RNF121: variants seen among roughly 807,000 people sequenced by gnomAD.
RNF121 encodes the protein E3 ubiquitin ligase RNF121.
RNF121 carries 21 observed loss-of-function variants against 46.5 expected under a neutral mutation model. That is an observed-to-expected ratio of 0.45 (90% CI 0.32 to 0.65). The LOEUF (loss-of-function observed/expected upper bound fraction) is 0.65, where lower values mean the gene tolerates loss of function less well. Ranked by LOEUF, RNF121 falls within the 30% of genes least tolerant of loss-of-function variation. The probability of loss-of-function intolerance (pLI) is 0.04; values close to 1 mark genes in which losing one functional copy is unlikely to be tolerated. For synonymous variants in RNF121, 139 were observed against 144.7 expected (o/e 0.96, Z 0.28); for missense variants, 346 against 416.0 (o/e 0.83, Z 1.46).
Position 71,996,377 on chromosome 11 carries a change from C to A in RNF121, c.*62C>A. 3 of 1,586,980 alleles carry A rather than the reference C, an allele frequency of 1.9e-6. No individual in the cohort carries two copies. The highest frequency in any genetic ancestry group is 1.7e-6 in the Non-Finnish European group (2 of 1,164,174). ...CCATGGACCTCAGGGCACTCTCCTCCCTGCCCACAAAGACCTCCTGGGTGG... is the reference window on the plus strand; with the variant it reads ...CCATGGACCTCAGGGCACTCTCCTCACTGCCCACAAAGACCTCCTGGGTGG... On this transcript the variant is annotated 3_prime_UTR_variant, in exon 9 of 9. Coordinates refer to ENST00000361756, the MANE Select transcript of RNF121 (RefSeq NM_018320.5).
intron 1 of RNF121, among the ~76,000 whole-genome samples, chr11:71,940,900 C>G (rs948405780): frequency 1.3e-5 from 2 of 152,202 alleles, no homozygotes; most frequent in African/African-American, 4.8e-5. Context: ...TAGTCAAAAT[C>G]AGTGAGGTAA....
At chr11:71,946,830 A>G (rs1590776712) in intron 1 of RNF121, among the ~76,000 whole-genome samples, 1 of 148,020 alleles carries the variant, frequency 6.8e-6, no homozygotes, top group Admixed American at 6.8e-5. Flanking sequence ...CTCCTGCTTC[A>G]GCCTCCTAAG....
chr11:71,946,067 T>G (rs1308587404), intron 1 of RNF121, among the ~76,000 whole-genome samples: 1 of 151,726 alleles, frequency 6.6e-6, no homozygotes, highest in Non-Finnish European at 1.5e-5. Context: ...GTTATGTTTG[T>G]GCCACTGCAC....
chr11:71,956,230 T>A (rs1360445706), intron 1 of RNF121, among the ~76,000 whole-genome samples: 5 of 152,206 alleles, frequency 3.3e-5, no homozygotes, highest in Admixed American at 3.3e-4. Flanking sequence ...TTCTAAGGCC[T>A]TGTCTCTCTT....
chr11:71,936,955 G>A (rs1476291444), intron 1 of RNF121, among the ~76,000 whole-genome samples: 2 of 152,170 alleles, frequency 1.3e-5, no homozygotes, highest in Admixed American at 1.3e-4. Flanking sequence ...ATTCTGTTAA[G>A]GATAAAGGGA....
chr11:71,980,055 A>G (rs1954614983), intron 3 of RNF121, among the ~76,000 whole-genome samples: 2 of 152,124 alleles, frequency 1.3e-5, no homozygotes, highest in African/African-American at 4.8e-5. Flanking sequence ...TGGTGCTCCT[A>G]GTGTCTCCTA....
rs1307490568 is a variant in RNF121, at chr11:71,933,359, AG to A, written c.63+4237del. ...TCTAACTCAAGCCAGAGTTCAAAGCAGGTATCCCAGCCTGCAGCTAACTTGA... is the reference window on the plus strand; with the variant it reads ...TCTAACTCAAGCCAGAGTTCAAAGCAGTATCCCAGCCTGCAGCTAACTTGA... On this transcript the variant is annotated intron_variant, in intron 1 of 8. Coordinates refer to ENST00000361756, the MANE Select transcript of RNF121 (RefSeq NM_018320.5). Among the ~76,000 whole-genome samples the A allele has an allele frequency of 2.0e-5, 3 of 152,348 alleles. No individual in the cohort carries two copies. The East Asian group carries it at 5.8e-4, about 29-fold the overall frequency.
chr11:71,942,672 G>A (rs1460696978), intron 1 of RNF121, among the ~76,000 whole-genome samples: 13 of 151,678 alleles, frequency 8.6e-5, no homozygotes, highest in African/African-American at 3.2e-4. Flanking sequence ...GCTGAGGCAG[G>A]AGAATCGCTT....
At chr11:71,980,812 A>T (rs1228775969) in intron 3 of RNF121, among the ~76,000 whole-genome samples, 1 of 152,236 alleles carries the variant, frequency 6.6e-6, no homozygotes, top group Non-Finnish European at 1.5e-5. Flanking sequence ...TGTAAAATAG[A>T]TATTTGATTT....
At chr11:71,993,199 A>G (rs1334294322) in intron 6 of RNF121, among the ~76,000 whole-genome samples, 5 of 152,158 alleles carry the variant, frequency 3.3e-5, no homozygotes, top group Non-Finnish European at 7.3e-5. Context: ...TCTTCCTTTA[A>G]CCAGTTTACT....
intron 1 of RNF121, among the ~76,000 whole-genome samples, chr11:71,936,391 G>A (rs1303637679): frequency 1.5e-5 from 1 of 65,338 alleles, no homozygotes; most frequent in African/African-American, 7.2e-5. Context: ...TTTTTTTCAG[G>A]TCACTTTTTT....
At chr11:71,960,179 G>A (rs1954097131) in intron 2 of RNF121, among the ~76,000 whole-genome samples, 1 of 152,108 alleles carries the variant, frequency 6.6e-6, no homozygotes, top group Admixed American at 6.6e-5. Context: ...AGTCACTGTT[G>A]GATTAGTATA....
intron 1 of RNF121, 25 bp downstream of exon 1, chr11:71,929,149 G>T: frequency 6.5e-7 from 1 of 1,548,914 alleles, no homozygotes; most frequent in Non-Finnish European, 8.7e-7. Context: ...GAGACGAGGA[G>T]AGACTCAACC....
intron 3 of RNF121, among the ~76,000 whole-genome samples, chr11:71,961,489 G>A (rs1333536361): frequency 6.6e-6 from 1 of 152,108 alleles, no homozygotes; most frequent in Non-Finnish European, 1.5e-5. Flanking sequence ...CTTGAGCCTG[G>A]GAGGTCAAGG....
At chr11:71,960,649 T>A in intron 2 of RNF121, 101 bp from the exon 3 acceptor site, 1 of 1,352,356 alleles carries the variant, frequency 7.4e-7, no homozygotes, top group South Asian at 1.4e-5. Context: ...AAGCAGGGAA[T>A]GTGTTCTGAG....
intron 1 of RNF121, among the ~76,000 whole-genome samples, chr11:71,956,633 G>C (rs755855569): frequency 6.6e-6 from 1 of 152,170 alleles, no homozygotes; most frequent in Non-Finnish European, 1.5e-5. Flanking sequence ...CTACCATAGG[G>C]CCATTTAGAG....
At chr11:71,982,634 A>C in intron 3 of RNF121, 127 bp from the exon 4 acceptor site, 1 of 1,045,362 alleles carries the variant, frequency 9.6e-7, no homozygotes, top group South Asian at 2.0e-5. Flanking sequence ...TAGTGGAGTT[A>C]ACTTTATCCA....
chr11:71,946,300 G>C (rs972190315), intron 1 of RNF121, among the ~76,000 whole-genome samples: 11 of 152,228 alleles, frequency 7.2e-5, no homozygotes, highest in Non-Finnish European at 1.3e-4. Flanking sequence ...GTGAACTCCT[G>C]ATAAGTGCTA....
At chr11:71,943,611 T>G (rs567350927) in intron 1 of RNF121, among the ~76,000 whole-genome samples, 1 of 152,232 alleles carries the variant, frequency 6.6e-6, no homozygotes. Context: ...TAGGCCTTGC[T>G]CTCAGGTTGC....
Sources: allele counts gnomAD v4.1 joint callset (sites outside exome capture counted in the v4.1 genomes callset), GRCh38; gene constraint gnomAD v4.1.1; transcripts MANE v1.5; gene names NCBI Gene and HGNC (gene_info 2026-07-23, HGNC 2026-07-21).